Variants in ARNT2 observed in about 807,000 individuals in gnomAD.
ARNT2 encodes the protein aryl hydrocarbon receptor nuclear translocator 2, also known as ARNT protein 2.
ARNT2 carries 36 observed loss-of-function variants against 91.7 expected under a neutral mutation model. The observed-to-expected ratio is 0.39, with a 90% CI of 0.30 to 0.52. ARNT2 has a LOEUF of 0.52. ARNT2 is among the 20% of genes least tolerant of loss of function. The pLI, the probability that ARNT2 is intolerant of heterozygous loss-of-function variation, is 0.72. For synonymous variants in ARNT2, 365 were observed against 347.1 expected (o/e 1.05, Z -0.57); for missense variants, 775 against 939.3 (o/e 0.83, Z 2.29).
chr15:80,583,393 G>A (rs1596025512), intron 17 of ARNT2, among the ~76,000 whole-genome samples: 1 of 152,214 alleles, frequency 6.6e-6, no homozygotes. Flanking sequence ...CTAAACAAAT[G>A]CCAGGCCCTG....
intron 15 of ARNT2, among the ~76,000 whole-genome samples, chr15:80,579,593 C>T (rs967316209): frequency 2.0e-5 from 3 of 152,170 alleles, no homozygotes; most frequent in Admixed American, 1.3e-4. Context: ...GCACCCAGCG[C>T]ACTGCCCTGC....
intron 5 of ARNT2, among the ~76,000 whole-genome samples, chr15:80,502,373 C>T (rs1044706173): frequency 6.6e-6 from 1 of 152,140 alleles, no homozygotes; most frequent in African/African-American, 2.4e-5. Flanking sequence ...GGTGGGCCTT[C>T]CACATGGGTG....
At chr15:80,435,921 C>T (rs1236904472) in intron 1 of ARNT2, among the ~76,000 whole-genome samples, 1 of 152,130 alleles carries the variant, frequency 6.6e-6, no homozygotes, top group Admixed American at 6.6e-5. Context: ...CTAGTGCGTC[C>T]CAGCTACGAT....
At chr15:80,542,139 T>C (rs1897917424) in intron 8 of ARNT2, among the ~76,000 whole-genome samples, 1 of 152,240 alleles carries the variant, frequency 6.6e-6, no homozygotes, top group Non-Finnish European at 1.5e-5. Flanking sequence ...TCTGGAAATT[T>C]TACATACACA....
rs1896502926 is a variant in ARNT2, at chr15:80,457,967, A to C, written c.185A>C (p.Lys62Thr). The change falls in exon 3 of 19, where the codon AAA (lysine) becomes ACA (threonine). Residue 62 changes from lysine (K) to threonine (T), a missense_variant. Physicochemically the swap from Lys to Thr is moderately conservative, Grantham distance 78. Transcript: ENST00000303329. ...FDDEDGEGPS[K>T]FSRENHSEIE... ...GATGAAGATGGTGAAGGCCCCAGTA[A>C]ATTTTCAAGGTAAGTTTATTTTATT... The C allele has an allele frequency of 8.1e-6, 13 of 1,613,804 alleles. No homozygotes were observed. Among genetic ancestry groups the C allele is most frequent in the Non-Finnish European group, 1.0e-5 (12 of 1,179,896 alleles).
chr15:80,458,041 A>G, intron 3 of ARNT2, 65 bp downstream of exon 3: 12 of 1,525,364 alleles, frequency 7.9e-6, no homozygotes, highest in Non-Finnish European at 1.1e-5. Flanking sequence ...TTAGAAAGAT[A>G]CAAGAATGTA....
intron 5 of ARNT2, among the ~76,000 whole-genome samples, chr15:80,499,225 C>A (rs2141417133): frequency 6.6e-6 from 1 of 152,310 alleles, no homozygotes; most frequent in East Asian, 1.9e-4. Flanking sequence ...ATATTTCTCC[C>A]CTCTGAAATG....
At chr15:80,465,885 T>C (rs1896645086) in intron 3 of ARNT2, among the ~76,000 whole-genome samples, 1 of 152,216 alleles carries the variant, frequency 6.6e-6, no homozygotes. Context: ...TTCTGACCTT[T>C]TAGTGTACAA....
chr15:80,516,828 A>AACATATATATATATATAT (rs1555411355), intron 8 of ARNT2, among the ~76,000 whole-genome samples: 12 of 74,800 alleles, frequency 1.6e-4, no homozygotes, highest in Non-Finnish European at 2.7e-4. Flanking sequence ...TACAATTACA[A>AACATATATATATATATAT]ATATATATAT....
At chr15:80,445,760 C>T (rs189707722) in intron 1 of ARNT2, among the ~76,000 whole-genome samples, 6 of 152,080 alleles carry the variant, frequency 3.9e-5, no homozygotes, top group Admixed American at 2.0e-4. Context: ...CACTGGAGGT[C>T]GGAACAGATG....
intron 11 of ARNT2, among the ~76,000 whole-genome samples, chr15:80,558,993 A>G (rs1168461895): frequency 6.6e-5 from 10 of 152,154 alleles, no homozygotes; most frequent in Non-Finnish European, 1.2e-4. Flanking sequence ...CCTCAAACCT[A>G]CACAGTAAGT....
At chr15:80,454,736 C>T (rs1896456930) in intron 2 of ARNT2, among the ~76,000 whole-genome samples, 1 of 152,196 alleles carries the variant, frequency 6.6e-6, no homozygotes, top group Admixed American at 6.5e-5. Flanking sequence ...CTCACTAGAG[C>T]ATAAGTGACT....
chr15:80,492,295 C>T (rs1209976365), intron 5 of ARNT2, among the ~76,000 whole-genome samples: 1 of 152,186 alleles, frequency 6.6e-6, no homozygotes, highest in Non-Finnish European at 1.5e-5. Context: ...GCCTCAGCCT[C>T]CCAAAATGCT....
At chr15:80,442,710 C>A in intron 1 of ARNT2, 1 of 324,046 alleles carries the variant, frequency 3.1e-6, no homozygotes, top group Non-Finnish European at 4.4e-6. Context: ...AATGTGTGAG[C>A]ACTTGTACCT....
At chr15:80,410,806 A>G (rs992981911) in intron 1 of ARNT2, among the ~76,000 whole-genome samples, 1 of 127,046 alleles carries the variant, frequency 7.9e-6, no homozygotes, top group African/African-American at 3.0e-5. Context: ...CTATCTATCT[A>G]TCTATCATCT....
At chr15:80,490,596 A>G (rs1401442154) in intron 5 of ARNT2, among the ~76,000 whole-genome samples, 1 of 152,224 alleles carries the variant, frequency 6.6e-6, no homozygotes, top group Non-Finnish European at 1.5e-5. Flanking sequence ...GAGCCCCTCC[A>G]TGTGGATGCA....
At chr15:80,509,517 T>C (rs900750483) in intron 6 of ARNT2, among the ~76,000 whole-genome samples, 1 of 152,180 alleles carries the variant, frequency 6.6e-6, no homozygotes, top group African/African-American at 2.4e-5. Context: ...GAATTCATTT[T>C]AGTAGGGGTG....
chr15:80,543,701 A>G (rs1376139303), intron 8 of ARNT2, among the ~76,000 whole-genome samples: 2 of 152,204 alleles, frequency 1.3e-5, no homozygotes, highest in Admixed American at 6.5e-5. Flanking sequence ...AAGTTTACTA[A>G]TCTACCTTGT....
chr15:80,592,889 T>C (rs1432988045), intron 18 of ARNT2, among the ~76,000 whole-genome samples: 1 of 152,246 alleles, frequency 6.6e-6, no homozygotes, highest in Non-Finnish European at 1.5e-5. Context: ...AGTTTCTTTA[T>C]TGCAGGACGT....
Sources: gnomAD v4.1 joint callset for allele counts (sites outside exome capture counted in the v4.1 genomes callset) on GRCh38, gnomAD v4.1.1 for gene constraint, MANE v1.5 for transcripts, NCBI Gene and HGNC (gene_info 2026-07-23, HGNC 2026-07-21) for gene names.